KCNT1: variants seen among roughly 807,000 people sequenced by gnomAD.
KCNT1 encodes potassium channel subfamily T member 1.
In KCNT1, 78 loss-of-function variants were observed where a neutral mutation model predicts 147.8. That is an observed-to-expected ratio of 0.53 (90% confidence interval 0.44 to 0.64). The LOEUF is 0.64. Ranked by LOEUF, KCNT1 falls within the 30% of genes least tolerant of loss-of-function variation. The pLI is 0.00. For synonymous variants in KCNT1, 867 were observed against 748.8 expected, an observed-to-expected ratio of 1.16 and a Z score of -2.58; for missense variants, 1,419 against 1,750.3, an observed-to-expected ratio of 0.81 and a Z score of 3.38.
intron 2 of KCNT1, among the ~76,000 whole-genome samples, chr9:135,724,327 G>A (rs570930263): frequency 8.0e-4 from 122 of 152,346 alleles, no homozygotes; most frequent in African/African-American, 2.8e-3. Context: ...CGGGCCCCGC[G>A]TGCACTCCCA....
At position 135,791,834 on chromosome 9, in the gene KCNT1, C is replaced by A. The variant is rs185469582; in HGVS notation, c.3540C>A (p.Val1180=). 2 of 1,613,860 alleles carry A rather than the reference C, an allele frequency of 1.2e-6. No individual in the cohort carries two copies. Among genetic ancestry groups the A allele is most frequent in the Non-Finnish European group, 1.7e-6 (2 of 1,179,948 alleles). Residue 1180 remains valine (V), a synonymous_variant, in exon 30 of 31, where the codon GTC becomes GTA. Coordinates refer to ENST00000371757, the MANE Select transcript of KCNT1 (RefSeq NM_020822.3). ...MNDHQNTLSY[V]LINPPPDTRL... is the part of the protein sequence containing the mutation. ...ACCACCAGAACACCCTCTCCTACGTCCTCATCAACCCTCCGCCCGACACGA... is the reference window on the plus strand; with the variant it reads ...ACCACCAGAACACCCTCTCCTACGTACTCATCAACCCTCCGCCCGACACGA...
chr9:135,702,391 C>A (rs1027074172), intron 1 of KCNT1, 23 bp downstream of exon 1: 1 of 1,574,840 alleles, frequency 6.3e-7, no homozygotes, highest in Non-Finnish European at 8.7e-7. Context: ...GCGCCCTCCC[C>A]ACGCGGGGAG....
At chr9:135,728,580 A>G (rs1836311480) in intron 2 of KCNT1, among the ~76,000 whole-genome samples, 1 of 152,200 alleles carries the variant, frequency 6.6e-6, no homozygotes, top group Non-Finnish European at 1.5e-5. Context: ...ATCTCCCCAG[A>G]ACTCAGGGAG....
At chr9:135,768,791 C>A in intron 14 of KCNT1, 38 bp from the exon 15 acceptor site, 2 of 1,575,794 alleles carry the variant, frequency 1.3e-6, no homozygotes, top group East Asian at 2.3e-5. Context: ...CCCACAGAGG[C>A]CAGCCCGTCT....
chr9:135,743,711 G>A (rs2131388826), intron 2 of KCNT1, among the ~76,000 whole-genome samples: 1 of 152,348 alleles, frequency 6.6e-6, no homozygotes. Context: ...AGGCTATAGT[G>A]TGTGCCGCCG....
At chr9:135,761,754 C>T (rs1272841865) in intron 11 of KCNT1, among the ~76,000 whole-genome samples, 4 of 152,222 alleles carry the variant, frequency 2.6e-5, no homozygotes, top group Admixed American at 6.5e-5. Context: ...CAAGCCCTTC[C>T]AGAGAAACAT....
intron 29 of KCNT1, 76 bp from the exon 30 acceptor site, chr9:135,791,721 C>T: frequency 7.8e-7 from 1 of 1,277,266 alleles, no homozygotes; most frequent in Admixed American, 1.8e-5. Flanking sequence ...CTGGAGCCCC[C>T]ACACCTCTGG....
At chr9:135,778,298 A>G (rs1833327086) in intron 21 of KCNT1, 126 bp from the exon 22 acceptor site, 1 of 780,930 alleles carries the variant, frequency 1.3e-6, no homozygotes, top group African/African-American at 1.7e-5. Flanking sequence ...CCCAGGTCCC[A>G]TACGCTGCGG....
chr9:135,772,469 T>A (rs1414197519), intron 18 of KCNT1, among the ~76,000 whole-genome samples: 2 of 152,082 alleles, frequency 1.3e-5, no homozygotes, highest in East Asian at 3.9e-4. Flanking sequence ...GCAGCTGGCC[T>A]GGGTGGCACC....
At chr9:135,743,310 G>T (rs933745672) in intron 2 of KCNT1, among the ~76,000 whole-genome samples, 2 of 152,172 alleles carry the variant, frequency 1.3e-5, no homozygotes, top group Non-Finnish European at 2.9e-5. Context: ...AGGCTTTGAG[G>T]CCAGGGCAGC....
In KCNT1 at chr9:135,770,570, G is replaced by T. The variant is rs1397684035; in HGVS notation, c.1769+123G>T. 4 of 1,269,790 alleles carry T rather than the reference G, an allele frequency of 3.2e-6. No individual in the cohort carries two copies. In the African/African-American group the frequency reaches 6.1e-5, roughly 19 times the overall value. 78.7% of individuals were successfully genotyped at this position (1,269,790 alleles called of 1,614,324 possible). ...GGGGCTGCAGAGGGCTCGGGGGAGG[G>T]CATCAGGTCATCCTGCCTGGCGAGG... On this transcript the variant is annotated intron_variant, in intron 17 of 30. Transcript: ENST00000371757.
chr9:135,770,863 C>CAT lies in KCNT1; in HGVS notation c.1776_1777insAT (p.Val593MetfsTer7). On this transcript the variant is annotated frameshift_variant, in exon 18 of 31. Transcript: ENST00000371757. LOFTEE classifies it high-confidence loss of function. ...TGCCGGTGCCTCTGCCCAGGTATGGCGTGTGCCTCATCGGGCTGAAGCGGG... is the reference window on the plus strand; with the variant it reads ...TGCCGGTGCCTCTGCCCAGGTATGGCATGTGTGCCTCATCGGGCTGAAGCGGG... 6.4e-7 allele frequency: 1 copy of CAT among 1,568,486 alleles called. No individual in the cohort carries two copies. The highest frequency in any genetic ancestry group is 8.7e-7 in the Non-Finnish European group (1 of 1,155,758).
intron 1 of KCNT1, among the ~76,000 whole-genome samples, chr9:135,711,443 G>T (rs1835483522): frequency 6.6e-6 from 1 of 152,212 alleles, no homozygotes; most frequent in Non-Finnish European, 1.5e-5. Flanking sequence ...TTGGGCTCTG[G>T]GAGCCACTTG....
At chr9:135,744,967 G>A (rs141575721) in intron 2 of KCNT1, among the ~76,000 whole-genome samples, 5,027 of 152,302 alleles carry the variant, frequency 0.033, 116 homozygotes, top group Non-Finnish European at 0.052. Flanking sequence ...GAGGTGAGAC[G>A]GGCCCGGCCC....
rs896763293 is a variant in KCNT1, at chr9:135,754,120, G to A, written c.491+127G>A. ...AGAGGCCTGGGACCAGGGTGGGGTG[G>A]GATGAGTCTCCACTCCAGCTCCCAG... On this transcript the variant is annotated intron_variant, in intron 5 of 30. Coordinates refer to ENST00000371757, the MANE Select transcript of KCNT1 (RefSeq NM_020822.3). 3.8e-6 allele frequency: 3 copies of A among 785,252 alleles called. No individual in the cohort carries two copies. In the East Asian group the frequency reaches 8.1e-5, roughly 21 times the overall value. 48.6% of individuals were successfully genotyped at this position (785,252 alleles called of 1,614,324 possible). A position where few individuals can be genotyped will look rare whatever the true frequency, so the allele number is the denominator to read the frequency against.
At chr9:135,743,047 A>G (rs933756621) in intron 2 of KCNT1, among the ~76,000 whole-genome samples, 1 of 152,136 alleles carries the variant, frequency 6.6e-6, no homozygotes, top group Admixed American at 6.5e-5. Flanking sequence ...TGGGCTCCCC[A>G]GAGGTGGGTG....
chr9:135,719,374 T>TG (rs1564317917), intron 2 of KCNT1, among the ~76,000 whole-genome samples: 1 of 152,176 alleles, frequency 6.6e-6, no homozygotes, highest in Non-Finnish European at 1.5e-5. Flanking sequence ...CTCTGGTCTG[T>TG]GGCAGTGGAG....
At chr9:135,764,304 A>G (rs940115761) in intron 11 of KCNT1, among the ~76,000 whole-genome samples, 1 of 137,410 alleles carries the variant, frequency 7.3e-6, no homozygotes, top group Admixed American at 7.4e-5. Flanking sequence ...AAAAATAAAA[A>G]TAAAACTAGC....
At chr9:135,767,570 C>G (rs1186245824) in intron 13 of KCNT1, among the ~76,000 whole-genome samples, 1 of 152,022 alleles carries the variant, frequency 6.6e-6, no homozygotes, top group Non-Finnish European at 1.5e-5. Context: ...CCCCTCCCTC[C>G]TGCACCCCAA....
Sources: gnomAD v4.1 joint callset for allele counts (sites outside exome capture counted in the v4.1 genomes callset) on GRCh38, gnomAD v4.1.1 for gene constraint, MANE v1.5 for transcripts, NCBI Gene and HGNC (gene_info 2026-07-23, HGNC 2026-07-21) for gene names.